The following DLEU7 variants were observed in gnomAD, a reference collection of about 807,000 sequenced individuals.
DLEU7 encodes leukemia-associated protein 7.
Under a neutral mutation model 16.0 loss-of-function variants are expected in DLEU7, and 17 were observed. That is an observed-to-expected ratio of 1.06 (90% CI 0.73 to 1.59). DLEU7 has a LOEUF of 1.59. Ranked by LOEUF, DLEU7 falls within the 40% of genes most tolerant of loss-of-function variation. DLEU7 has a pLI of 0.00. For missense variants in DLEU7, 308 were observed against 314.9 expected, an observed-to-expected ratio of 0.98 and a Z score of 0.17; for synonymous variants, 113 against 139.8, an observed-to-expected ratio of 0.81 and a Z score of 1.35.
chr13:50,717,980 C>T (rs1873486972), intron 1 of DLEU7, among the ~76,000 whole-genome samples: 1 of 152,110 alleles, frequency 6.6e-6, no homozygotes, highest in South Asian at 2.1e-4. Flanking sequence ...AATCTTGCTG[C>T]TCAAAGTGCT....
chr13:50,722,136 T>C (rs1873637408), intron 1 of DLEU7, among the ~76,000 whole-genome samples: 1 of 152,212 alleles, frequency 6.6e-6, no homozygotes, highest in South Asian at 2.1e-4. Flanking sequence ...AACTTTGCAG[T>C]GTCCTCCCAA....
intron 1 of DLEU7, among the ~76,000 whole-genome samples, chr13:50,779,952 C>T (rs879686742): frequency 3.3e-5 from 5 of 151,874 alleles, no homozygotes; most frequent in Non-Finnish European, 5.9e-5. Context: ...GAAGAATGCC[C>T]TATTAAGCCG....
chr13:50,768,509 C>A (rs976198737), intron 1 of DLEU7, among the ~76,000 whole-genome samples: 4 of 149,906 alleles, frequency 2.7e-5, no homozygotes, highest in Non-Finnish European at 5.9e-5. Flanking sequence ...TGTTCAATTC[C>A]CACCTATGAG....
chr13:50,748,329 A>T (rs1218658851), intron 1 of DLEU7, among the ~76,000 whole-genome samples: 1 of 146,288 alleles, frequency 6.8e-6, no homozygotes, highest in Non-Finnish European at 1.5e-5. Context: ...TTCACAGGAC[A>T]GGGCCCCAAT....
chr13:50,728,298 A>G (rs936697628), intron 1 of DLEU7, among the ~76,000 whole-genome samples: 3 of 152,220 alleles, frequency 2.0e-5, no homozygotes, highest in African/African-American at 4.8e-5. Flanking sequence ...ATAGACTAAC[A>G]TTGCAGTTCC....
chr13:50,738,154 A>G (rs1010643520), intron 1 of DLEU7, among the ~76,000 whole-genome samples: 1 of 152,162 alleles, frequency 6.6e-6, no homozygotes, highest in African/African-American at 2.4e-5. Flanking sequence ...CTGCAGAAGA[A>G]ATGCTTGGAA....
chr13:50,810,025 C>CT (rs5803534), intron 1 of DLEU7, among the ~76,000 whole-genome samples: 71,659 of 146,344 alleles, frequency 0.49, 17,619 homozygotes, highest in Non-Finnish European at 0.56. Context: ...TGGGGTAGCA[C>CT]TTTTTTTTTT....
At chr13:50,815,283 A>G (rs1042260463) in intron 1 of DLEU7, among the ~76,000 whole-genome samples, 4 of 152,168 alleles carry the variant, frequency 2.6e-5, no homozygotes, top group African/African-American at 9.7e-5. Flanking sequence ...ATTGCACGTC[A>G]TTCTGAAATT....
chr13:50,749,557 T>C lies in DLEU7; in HGVS notation c.460-36317A>G, dbSNP rs538424386. 7.2e-5 allele frequency among the ~76,000 whole-genome samples: 11 copies of C among 152,322 alleles called. No homozygotes were observed. The South Asian group carries it at 1.4e-3, about 20-fold the overall frequency. ...GTACTAGTTTGCATTCCTACCAGCA[T>C]GTAGACATGTTCCCTGATCACTGCA... On this transcript the variant is annotated intron_variant, in intron 1 of 1. Transcript: ENST00000400393.
At chr13:50,738,997 A>ACACACACG (rs1380974199) in intron 1 of DLEU7, among the ~76,000 whole-genome samples, 1 of 103,068 alleles carries the variant, frequency 9.7e-6, no homozygotes, top group Non-Finnish European at 1.8e-5. Flanking sequence ...ACACACACAC[A>ACACACACG]CACACACGCA....
chr13:50,810,953 A>C (rs1287611345), intron 1 of DLEU7, among the ~76,000 whole-genome samples: 1 of 152,198 alleles, frequency 6.6e-6, no homozygotes, highest in Non-Finnish European at 1.5e-5. Context: ...AGTGTTCTGA[A>C]CATTTTCAGG....
At chr13:50,744,939 G>A (rs186545216) in intron 1 of DLEU7, among the ~76,000 whole-genome samples, 34 of 152,278 alleles carry the variant, frequency 2.2e-4, no homozygotes, top group Admixed American at 1.8e-3. Flanking sequence ...AGTATGTGGA[G>A]AAGTTGGGAC....
At chr13:50,788,293 C>G (rs1566251307) in intron 1 of DLEU7, among the ~76,000 whole-genome samples, 1 of 152,168 alleles carries the variant, frequency 6.6e-6, no homozygotes, top group Non-Finnish European at 1.5e-5. Flanking sequence ...ATGGCTGGAC[C>G]ACATTCCTCA....
intron 1 of DLEU7, among the ~76,000 whole-genome samples, chr13:50,816,512 A>G (rs1255112234): frequency 1.3e-5 from 2 of 152,102 alleles, no homozygotes; most frequent in African/African-American, 4.8e-5. Flanking sequence ...TAAAAACATA[A>G]TGCCATTAAT....
intron 1 of DLEU7, among the ~76,000 whole-genome samples, chr13:50,741,979 G>A (rs514960): frequency 0.57 from 87,204 of 151,974 alleles, 27,388 homozygotes; most frequent in African/African-American, 0.84. Flanking sequence ...ACTTTCTTCA[G>A]AATTGGAAAT....
chr13:50,802,966 G>A (rs927764523), intron 1 of DLEU7, among the ~76,000 whole-genome samples: 1 of 151,892 alleles, frequency 6.6e-6, no homozygotes, highest in Non-Finnish European at 1.5e-5. Flanking sequence ...TTTATCACAC[G>A]GCACTTCATT....
intron 1 of DLEU7, among the ~76,000 whole-genome samples, chr13:50,729,077 A>G (rs559216553): frequency 1.3e-5 from 2 of 152,238 alleles, no homozygotes; most frequent in South Asian, 4.2e-4. Context: ...TTTGTCACGT[A>G]GGTACATTGG....
intron 1 of DLEU7, among the ~76,000 whole-genome samples, chr13:50,776,730 T>G (rs1162958374): frequency 2.0e-5 from 3 of 152,200 alleles, no homozygotes; most frequent in Non-Finnish European, 4.4e-5. Flanking sequence ...TGGCTAAACA[T>G]TTAAAATGTT....
intron 1 of DLEU7, among the ~76,000 whole-genome samples, chr13:50,754,248 T>A (rs1332112927): frequency 6.6e-6 from 1 of 152,364 alleles, no homozygotes; most frequent in East Asian, 1.9e-4. Flanking sequence ...CTTGACGACC[T>A]GTCTAGTGCT....
Sources: allele counts gnomAD v4.1 joint callset (sites outside exome capture counted in the v4.1 genomes callset), GRCh38; gene constraint gnomAD v4.1.1; transcripts MANE v1.5; gene names NCBI Gene and HGNC (gene_info 2026-07-23, HGNC 2026-07-21).